ATP13A3: variants seen among roughly 807,000 people sequenced by gnomAD.
The protein encoded by ATP13A3 is polyamine-transporting ATPase 13A3.
In ATP13A3, 59 loss-of-function variants were observed where a neutral mutation model predicts 158.1. The ratio of observed to expected loss-of-function variants is 0.37; its 90% CI spans 0.30 to 0.46. The LOEUF is 0.46. Among genes scored for constraint, ATP13A3 ranks in the 20% least tolerant of loss-of-function variants. ATP13A3 has a pLI of 1.00. For synonymous variants in ATP13A3, 491 were observed against 504.3 expected (o/e 0.97, Z 0.35); for missense variants, 1,166 against 1,525.2 (o/e 0.76, Z 3.92).
intron 14 of ATP13A3, among the ~76,000 whole-genome samples, chr3:194,445,161 C>T (rs377462571): frequency 2.6e-5 from 4 of 152,022 alleles, no homozygotes; most frequent in Non-Finnish European, 4.4e-5. Context: ...TAAGGAGGGC[C>T]AAGAGGAACA....
chr3:194,439,180 T>G (rs1478792367), intron 16 of ATP13A3, among the ~76,000 whole-genome samples: 1 of 152,214 alleles, frequency 6.6e-6, no homozygotes, highest in African/African-American at 2.4e-5. Flanking sequence ...GTTAGATACC[T>G]AGCAACCCAT....
intron 18 of ATP13A3, 34 bp from the exon 19 acceptor site, chr3:194,437,498 A>G (rs1717736285): frequency 1.2e-6 from 2 of 1,613,672 alleles, no homozygotes; most frequent in Non-Finnish European, 1.7e-6. Flanking sequence ...AAAGCACTTA[A>G]TATTCTTAAA....
chr3:194,425,089 G>A (rs1716668286), intron 30 of ATP13A3, among the ~76,000 whole-genome samples: 1 of 152,204 alleles, frequency 6.6e-6, no homozygotes. Flanking sequence ...ACAATGGGTT[G>A]CAGAAATAAA....
At chr3:194,465,691 C>T (rs982822148) in intron 2 of ATP13A3, among the ~76,000 whole-genome samples, 25 of 152,026 alleles carry the variant, frequency 1.6e-4, no homozygotes, top group Non-Finnish European at 2.2e-4. Context: ...TAAATCTAGG[C>T]GCAGGCTCAC....
intron 24 of ATP13A3, 137 bp downstream of exon 24, chr3:194,430,806 G>A: frequency 1.6e-6 from 1 of 615,806 alleles, no homozygotes; most frequent in Non-Finnish European, 2.5e-6. Flanking sequence ...TTAAAGTTCT[G>A]AACTATCTTA....
In ATP13A3 at chr3:194,420,113, T is replaced by G. The variant is rs1431268223; in HGVS notation, c.3314-146A>C. Reference sequence around the variant, plus strand: ...TGATGGAATAAAGTATGTGCTCTGTTATCTCCTGGAGTATGAGACATTGTT... The same window carrying G: ...TGATGGAATAAAGTATGTGCTCTGTGATCTCCTGGAGTATGAGACATTGTT... On this transcript the variant is annotated intron_variant, in intron 30 of 33. Coordinates refer to ENST00000645319, the MANE Select transcript of ATP13A3 (RefSeq NM_001367549.1). 1.5e-5 allele frequency: 13 copies of G among 870,724 alleles called. No individual in the cohort carries two copies. The African/African-American group carries it at 2.2e-4, about 14-fold the overall frequency. 53.9% of individuals were successfully genotyped at this position (870,724 alleles called of 1,614,324 possible). A position where few individuals can be genotyped will look rare whatever the true frequency, so the allele number is the denominator to read the frequency against.
chr3:194,493,867 T>A (rs1345489372), intron 2 of ATP13A3, among the ~76,000 whole-genome samples: 2 of 152,184 alleles, frequency 1.3e-5, no homozygotes, highest in Non-Finnish European at 2.9e-5. Context: ...GAAGAAACTT[T>A]ACATATATGA....
intron 33 of ATP13A3, among the ~76,000 whole-genome samples, chr3:194,410,341 C>T (rs1039714411): frequency 1.7e-5 from 2 of 119,950 alleles, no homozygotes; most frequent in South Asian, 5.8e-4. Context: ...ACTGCTGGGC[C>T]TGGGATGGCA....
At chr3:194,424,933 G>C (rs1477241172) in intron 30 of ATP13A3, among the ~76,000 whole-genome samples, 2 of 152,190 alleles carry the variant, frequency 1.3e-5, no homozygotes, top group South Asian at 2.1e-4. Flanking sequence ...AATACCTACT[G>C]TTCCAACTGA....
intron 20 of ATP13A3, 111 bp downstream of exon 20, chr3:194,436,984 A>G (rs777773526): frequency 7.1e-6 from 9 of 1,272,988 alleles, no homozygotes; most frequent in Non-Finnish European, 9.8e-6. Context: ...ATTATATTAG[A>G]TATCTTTTCA....
At chr3:194,486,257 C>A (rs1194698338) in intron 1 of ATP13A3, among the ~76,000 whole-genome samples, 1 of 142,730 alleles carries the variant, frequency 7.0e-6, no homozygotes, top group African/African-American at 3.0e-5. Context: ...CTGCCAGCAC[C>A]CCTACGCCTC....
upstream of ATP13A3, chr3:194,488,281 G>T (rs1000890853): frequency 1.3e-5 from 2 of 152,348 alleles, no homozygotes; most frequent in Admixed American, 1.3e-4. The surrounding 1 kb of genome is among the most constrained non-coding windows in gnomAD (Gnocchi z 4.1). Context: ...ACAAGAAAAC[G>T]GTCTGGGTGG....
chr3:194,424,344 T>C (rs1330045993), intron 30 of ATP13A3: 1 of 151,662 alleles, frequency 6.6e-6, no homozygotes, highest in Non-Finnish European at 1.5e-5. Context: ...AAACATCAGT[T>C]CCAAAAAGGG....
chr3:194,472,836 T>C (rs1720365757), intron 2 of ATP13A3, among the ~76,000 whole-genome samples: 1 of 152,246 alleles, frequency 6.6e-6, no homozygotes, highest in South Asian at 2.1e-4. Flanking sequence ...AATAAAATTA[T>C]GTCTTTTGCA....
At chr3:194,430,251 A>C (rs1717120392) in intron 25 of ATP13A3, 22 bp downstream of exon 25, 2 of 1,613,680 alleles carry the variant, frequency 1.2e-6, no homozygotes, top group Non-Finnish European at 1.7e-6. Flanking sequence ...CTATAAAACT[A>C]AATCACAAAA....
chr3:194,437,598 A>T (rs1286731606), intron 17 of ATP13A3, 25 bp from the exon 18 acceptor site: 1 of 1,585,180 alleles, frequency 6.3e-7, no homozygotes. Context: ...AAACAAGAAA[A>T]AATAGTACAG....
At chr3:194,476,657 T>A (rs974969474) in intron 2 of ATP13A3, among the ~76,000 whole-genome samples, 1 of 152,176 alleles carries the variant, frequency 6.6e-6, no homozygotes, top group Non-Finnish European at 1.5e-5. Flanking sequence ...CAAGTCTGTA[T>A]GCAGCCAGAT....
intron 32 of ATP13A3, among the ~76,000 whole-genome samples, chr3:194,413,375 T>TC (rs1715578233): frequency 6.6e-6 from 1 of 152,046 alleles, no homozygotes; most frequent in Non-Finnish European, 1.5e-5. Context: ...CCCTCCCCCT[T>TC]CCCCCCTCCC....
intron 31 of ATP13A3, among the ~76,000 whole-genome samples, chr3:194,419,455 T>G (rs535189533): frequency 4.6e-5 from 7 of 152,322 alleles, no homozygotes; most frequent in African/African-American, 1.4e-4. Context: ...GCTAACAACT[T>G]AAATATGTGT....
Sources: allele counts gnomAD v4.1 joint callset (sites outside exome capture counted in the v4.1 genomes callset), GRCh38; gene constraint gnomAD v4.1.1; non-coding constraint Gnocchi (gnomAD v3.1); transcripts MANE v1.5; gene names NCBI Gene and HGNC (gene_info 2026-07-23, HGNC 2026-07-21).